The following COX7B2 variants were observed in gnomAD, a reference collection of about 807,000 sequenced individuals.
The protein encoded by COX7B2 is cytochrome c oxidase subunit 7B2, mitochondrial.
For synonymous variants in COX7B2, 37 were observed against 32.1 expected, an observed-to-expected ratio of 1.15 and a Z score of -0.51; for missense variants, 109 against 95.9, an observed-to-expected ratio of 1.14 and a Z score of -0.57.
At chr4:46,850,177 A>C (rs1250918355) in intron 1 of COX7B2, among the ~76,000 whole-genome samples, 1 of 151,342 alleles carries the variant, frequency 6.6e-6, no homozygotes, top group Non-Finnish European at 1.5e-5. Context: ...GATTTAAAAT[A>C]ATTTAAAATG....
At chr4:46,835,722 T>C (rs1475436442) in intron 2 of COX7B2, among the ~76,000 whole-genome samples, 1 of 152,136 alleles carries the variant, frequency 6.6e-6, no homozygotes, top group Non-Finnish European at 1.5e-5. Flanking sequence ...TGAAAAAATA[T>C]AAATAAGTGA....
At chr4:46,883,171 A>G (rs2109852161) in intron 1 of COX7B2, among the ~76,000 whole-genome samples, 1 of 152,348 alleles carries the variant, frequency 6.6e-6, no homozygotes, top group South Asian at 2.1e-4. Context: ...TTATTTTGGC[A>G]TCATATGTAG....
intron 1 of COX7B2, among the ~76,000 whole-genome samples, chr4:46,845,581 TTAGAG>T (rs1452605226): frequency 1.3e-5 from 2 of 151,948 alleles, no homozygotes; most frequent in Non-Finnish European, 2.9e-5. Flanking sequence ...ATTTACTACT[TTAGAG>T]TATATGTGCA....
At chr4:46,862,471 G>A (rs1717395650) in intron 1 of COX7B2, among the ~76,000 whole-genome samples, 1 of 152,188 alleles carries the variant, frequency 6.6e-6, no homozygotes, top group South Asian at 2.1e-4. Context: ...TATGTGTTGT[G>A]TCTAGCATGC....
chr4:46,832,480 C>A (rs1040106866), intron 2 of COX7B2, among the ~76,000 whole-genome samples: 1 of 152,024 alleles, frequency 6.6e-6, no homozygotes, highest in African/African-American at 2.4e-5. Flanking sequence ...TTTCTGTTCC[C>A]AATACACTGG....
intron 2 of COX7B2, among the ~76,000 whole-genome samples, chr4:46,811,986 C>T (rs906324463): frequency 5.3e-5 from 8 of 152,098 alleles, no homozygotes; most frequent in Non-Finnish European, 8.8e-5. Context: ...TTTAGGGATC[C>T]TCTTATTCTT....
At chr4:46,901,742 T>C (rs1720082359) in intron 1 of COX7B2, among the ~76,000 whole-genome samples, 1 of 152,140 alleles carries the variant, frequency 6.6e-6, no homozygotes, top group African/African-American at 2.4e-5. Flanking sequence ...GTGAGCCAAC[T>C]CTCTCTCTCT....
At chr4:46,900,406 T>C (rs1720008972) in intron 1 of COX7B2, among the ~76,000 whole-genome samples, 1 of 152,174 alleles carries the variant, frequency 6.6e-6, no homozygotes, top group South Asian at 2.1e-4. Context: ...AATCTGTTTT[T>C]TCTTGTTCTC....
chr4:46,870,298 A>C (rs1434234663), intron 1 of COX7B2, among the ~76,000 whole-genome samples: 1 of 150,130 alleles, frequency 6.7e-6, no homozygotes, highest in Non-Finnish European at 1.5e-5. Context: ...TTCCTGTTCA[A>C]AACTCTCAAC....
At chr4:46,780,420 G>T (rs546037987) in intron 2 of COX7B2, among the ~76,000 whole-genome samples, 43 of 152,316 alleles carry the variant, frequency 2.8e-4, no homozygotes, top group African/African-American at 9.6e-4. Flanking sequence ...GGGAGGCTGA[G>T]GCAGGAGAAT....
intron 2 of COX7B2, among the ~76,000 whole-genome samples, chr4:46,842,373 T>C (rs1424654049): frequency 6.6e-6 from 1 of 151,996 alleles, no homozygotes; most frequent in African/African-American, 2.4e-5. Context: ...ATTAAATGCA[T>C]AGCACAGTGG....
intron 2 of COX7B2, among the ~76,000 whole-genome samples, chr4:46,763,830 C>G (rs936485643): frequency 1.3e-5 from 2 of 152,154 alleles, no homozygotes; most frequent in Non-Finnish European, 2.9e-5. Context: ...TACACACATA[C>G]TTTGAAACGG....
At chr4:46,820,517 A>G (rs565810711) in intron 2 of COX7B2, among the ~76,000 whole-genome samples, 1 of 152,192 alleles carries the variant, frequency 6.6e-6, no homozygotes, top group East Asian at 1.9e-4. Context: ...CTAATCTGAT[A>G]TCTTGCTTTT....
intron 2 of COX7B2, among the ~76,000 whole-genome samples, chr4:46,769,303 A>C (rs917761690): frequency 6.6e-6 from 1 of 152,226 alleles, no homozygotes; most frequent in African/African-American, 2.4e-5. Context: ...CTTGATGAAC[A>C]TAGATGCAAA....
rs113997636 is a variant in COX7B2 at position 46,858,400 on chromosome 4, G to A, written c.-104-13386C>T. 5.6e-3 allele frequency among the ~76,000 whole-genome samples: 859 copies of A among 152,100 alleles called. 7 individuals are homozygous for A. Among genetic ancestry groups the A allele is most frequent in the Non-Finnish European group, 9.1e-3 (616 of 67,996 alleles). ...ATGAGCCACCACGCTTGGCCACATC[G>A]CTTATATTTTAAGACATATTGGTAC... On this transcript the variant is annotated intron_variant, in intron 1 of 2. Transcript: ENST00000355591.
At chr4:46,846,603 G>A (rs1716294525) in intron 1 of COX7B2, among the ~76,000 whole-genome samples, 1 of 151,886 alleles carries the variant, frequency 6.6e-6, no homozygotes, top group African/African-American at 2.4e-5. Context: ...TAAAGTGAGA[G>A]GGTACCTGAG....
At chr4:46,739,143 G>A (rs1258502387) in intron 2 of COX7B2, among the ~76,000 whole-genome samples, 2 of 152,058 alleles carry the variant, frequency 1.3e-5, no homozygotes, top group Non-Finnish European at 2.9e-5. Flanking sequence ...AAGACATTGT[G>A]CCAAGATTTT....
chr4:46,811,483 C>A (rs1577593641), intron 2 of COX7B2, among the ~76,000 whole-genome samples: 1 of 152,012 alleles, frequency 6.6e-6, no homozygotes, highest in East Asian at 1.9e-4. Flanking sequence ...TCCAAGAATT[C>A]TGTCTGGTTC....
chr4:46,905,049 G>C (rs1720293376), intron 1 of COX7B2, among the ~76,000 whole-genome samples: 1 of 152,066 alleles, frequency 6.6e-6, no homozygotes, highest in African/African-American at 2.4e-5. Flanking sequence ...TTTTAAAATG[G>C]GGAGTATAGA....
Sources: gnomAD v4.1 joint callset for allele counts (sites outside exome capture counted in the v4.1 genomes callset) on GRCh38, gnomAD v4.1.1 for gene constraint, MANE v1.5 for transcripts, NCBI Gene and HGNC (gene_info 2026-07-23, HGNC 2026-07-21) for gene names.